The following MOAP1 variants were observed in gnomAD, a reference collection of about 807,000 sequenced individuals.
MOAP1 encodes MAP1.
For missense variants in MOAP1, 385 were observed against 418.6 expected (o/e 0.92, Z 0.70); for synonymous variants, 150 against 161.0 (o/e 0.93, Z 0.52).
Position 93,184,279 on chromosome 14 carries a change from C to CAA in MOAP1, c.-38_-37insTT. On this transcript the variant is annotated 5_prime_UTR_variant, in exon 3 of 3. Coordinates refer to ENST00000298894, the MANE Select transcript of MOAP1 (RefSeq NM_022151.5). The surrounding 1 kb of genome is among the most constrained non-coding windows in gnomAD (Gnocchi z 4.2). ...TAATAGACTTAAGTTCTAAATATGC[C>CAA]AGACCACAGGCGACCACCGAAATTC... The CAA allele has an allele frequency of 7.1e-7, 1 of 1,415,594 alleles. No homozygotes were observed. Among genetic ancestry groups the CAA allele is most frequent in the Non-Finnish European group, 9.2e-7 (1 of 1,082,798 alleles). The allele number at this position is 1,415,594 out of a possible 1,614,324, so 87.7% of individuals were successfully genotyped here.
Position 93,183,826 on chromosome 14 carries a change from C to A in MOAP1, c.417G>T (p.Pro139=), listed in dbSNP as rs201204994. Residue 139 remains proline, a synonymous_variant, in exon 3 of 3, where the codon CCG becomes CCT. Coordinates refer to ENST00000298894, the MANE Select transcript of MOAP1 (RefSeq NM_022151.5). ...GTGCCAACATAGGGGCCCACATTTC[C>A]GGGATCATGCCCTGCTCTGGGTCTA... is the stretch of plus-strand genomic sequence containing the variant. ...GSLDPEQGMI[P]EMWAPMLAQA... is the part of the protein sequence containing the mutation. 6.2e-7 allele frequency: 1 copy of A among 1,613,966 alleles called. No homozygotes were observed. Among genetic ancestry groups the A allele is most frequent in the East Asian group, 2.2e-5 (1 of 44,876 alleles).
In MOAP1 at chr14:93,183,108, G is replaced by A; in HGVS notation, c.*79C>T. The A allele has an allele frequency of 6.7e-7, 1 of 1,501,578 alleles. No homozygotes were observed. Among genetic ancestry groups the A allele is most frequent in the South Asian group, 1.4e-5 (1 of 73,626 alleles). 93.0% of individuals were successfully genotyped at this position (1,501,578 alleles called of 1,614,324 possible). A position where few individuals can be genotyped will look rare whatever the true frequency, so the allele number is the denominator to read the frequency against. ...TACTTGGCAGCACAAGGTAGGGATTGTATGTGTCACAAGAGTATATAGACT... is the reference window on the plus strand; with the variant it reads ...TACTTGGCAGCACAAGGTAGGGATTATATGTGTCACAAGAGTATATAGACT... On this transcript the variant is annotated 3_prime_UTR_variant, in exon 3 of 3. Coordinates refer to ENST00000298894, the MANE Select transcript of MOAP1 (RefSeq NM_022151.5).
In MOAP1 at chr14:93,183,375, C is replaced by T. The variant is rs767262911; in HGVS notation, c.868G>A (p.Val290Met). 1 of 1,614,224 alleles carries T rather than the reference C, an allele frequency of 6.2e-7. No homozygotes were observed. Among genetic ancestry groups the T allele is most frequent in the South Asian group, 1.1e-5 (1 of 91,084 alleles). ...ACTTGGTCTAGGCGGGCCTGATTCA[C>T]AGCATCTCTCTCAATTGCTCCTCTC... ...VQRGAIERDAVNQARLDQVIA... is the reference protein window; with the variant it reads ...VQRGAIERDAMNQARLDQVIA... The change falls in exon 3 of 3, where the codon GTG (valine) becomes ATG (methionine). Residue 290 changes from valine to methionine, a missense_variant. Val to Met is a conservative substitution (Grantham distance 21). Transcript: ENST00000298894.
Position 93,184,027 on chromosome 14 carries a change from C to T in MOAP1, c.216G>A (p.Glu72=), listed in dbSNP as rs1298207409. The part of the protein sequence containing the change: ...RKVALVGLTA[E]TSHALVPKEI... ...CCTTAGGGACCAGGGCGTGACTAGT[C>T]TCCGCAGTAAGCCCTACTAAGGCTA... Residue 72 remains glutamate (E), a synonymous_variant, in exon 3 of 3, where the codon GAG becomes GAA. Coordinates refer to ENST00000298894, the MANE Select transcript of MOAP1 (RefSeq NM_022151.5). The surrounding 1 kb of genome is among the most constrained non-coding windows in gnomAD (Gnocchi z 4.2). 4 of 1,613,786 alleles carry T rather than the reference C, an allele frequency of 2.5e-6. No individual in the cohort carries two copies. In the African/African-American group the frequency reaches 5.3e-5, roughly 22 times the overall value.
In MOAP1 at chr14:93,183,605, G is replaced by C; in HGVS notation, c.638C>G (p.Pro213Arg). 1 of 1,614,148 alleles carries C rather than the reference G, an allele frequency of 6.2e-7. No individual in the cohort carries two copies. Among genetic ancestry groups the C allele is most frequent in the Non-Finnish European group, 8.5e-7 (1 of 1,180,012 alleles). The change falls in exon 3 of 3, where the codon CCA (proline) becomes CGA (arginine). Residue 213 changes from proline to arginine, a missense_variant. Pro to Arg is a moderately radical substitution (Grantham distance 103, BLOSUM62 -2). Transcript: ENST00000298894. ...RRRLLESLRG[P>R]ALDVIRVLKI... ...GAGGACACGAATAACATCAAGTGCT[G>C]GGCCTCGAAGGCTCTCTAGCAATCG...
Position 93,183,658 on chromosome 14 carries a change from C to T in MOAP1, c.585G>A (p.Trp195Ter). Residue 195 changes from tryptophan (W) to a stop codon, truncating the protein, a stop_gained, in exon 3 of 3, where the codon TGG becomes TGA. Transcript: ENST00000298894. LOFTEE classifies it low-confidence loss of function (END_TRUNC). The part of the protein sequence containing the change: ...MFHTTQMIKA[W>*]QVPDVEKRRR... ...TTCTCTTCTCTACATCTGGCACCTG[C>T]CACGCCTTTATCATCTGAGTAGTAT... is the stretch of plus-strand genomic sequence containing the variant. The T allele has an allele frequency of 6.2e-7, 1 of 1,614,176 alleles. No individual in the cohort carries two copies. The highest frequency in any genetic ancestry group is 8.5e-7 in the Non-Finnish European group (1 of 1,180,014).
At position 93,182,933 on chromosome 14, in the gene MOAP1, A is replaced by C. The variant is rs1893958323; in HGVS notation, c.*254T>G. ...TGACAGAGCGAGACTCTGTCTCAAC[A>C]ACAACAACAAAGATATTCACAAGGA... On this transcript the variant is annotated 3_prime_UTR_variant, in exon 3 of 3. Transcript: ENST00000298894. 1 of 489,378 alleles carries C rather than the reference A, an allele frequency of 2.0e-6. No homozygotes were observed. The highest frequency in any genetic ancestry group is 2.0e-5 in the African/African-American group (1 of 51,256). 30.3% of individuals were successfully genotyped at this position (489,378 alleles called of 1,614,324 possible).
In MOAP1 at chr14:93,182,979, G is replaced by A. The variant is rs1312911984; in HGVS notation, c.*208C>T. The A allele has an allele frequency of 5.2e-6, 3 of 577,752 alleles. No homozygotes were observed. The highest frequency in any genetic ancestry group is 3.7e-5 in the African/African-American group (2 of 53,334). 35.8% of individuals were successfully genotyped at this position (577,752 alleles called of 1,614,324 possible). On this transcript the variant is annotated 3_prime_UTR_variant, in exon 3 of 3. Transcript: ENST00000298894. ...AAGGATGAATTTAAATAGGTAAATG[G>A]CAGTGTAGAACTACATCCTTCCTAG... is the stretch of plus-strand genomic sequence containing the variant.
rs1017446377 is a variant in MOAP1, at chr14:93,182,522, T to A, written c.*665A>T. 6.6e-6 allele frequency: 1 copy of A among 152,432 alleles called. No individual in the cohort carries two copies. Among genetic ancestry groups the A allele is most frequent in the Middle Eastern group, 3.2e-3 (1 of 316 alleles). 9.4% of individuals were successfully genotyped at this position (152,432 alleles called of 1,614,324 possible). A position where few individuals can be genotyped will look rare whatever the true frequency, so the allele number is the denominator to read the frequency against. On this transcript the variant is annotated 3_prime_UTR_variant, in exon 3 of 3. Transcript: ENST00000298894. The stretch of plus-strand genomic sequence containing the variant: ...TGTGACATGCTACACTTGCACCTAG[T>A]ACCAAACAAGCTGATACTTCAATGA...
Position 93,183,326 on chromosome 14 carries a change from G to A in MOAP1, c.917C>T (p.Thr306Ile). ...DQVIAGAVHK[T>I]IRRELNLPED... ...TGGCAGATTAAGCTCTCTGCGAATT[G>A]TTTTGTGGACTGCCCCAGCAATGAC... is the stretch of plus-strand genomic sequence containing the variant. Residue 306 changes from threonine (T) to isoleucine (I), a missense_variant, in exon 3 of 3, where the codon ACA (threonine) becomes ATA (isoleucine). Thr to Ile is a moderately conservative substitution (Grantham distance 89). Coordinates refer to ENST00000298894, the MANE Select transcript of MOAP1 (RefSeq NM_022151.5). 6.2e-7 allele frequency: 1 copy of A among 1,614,190 alleles called. No individual in the cohort carries two copies. The highest frequency in any genetic ancestry group is 8.5e-7 in the Non-Finnish European group (1 of 1,180,038).
Position 93,183,681 on chromosome 14 carries a change from T to C in MOAP1, c.562A>G (p.Thr188Ala). 2 of 1,614,194 alleles carry C rather than the reference T, an allele frequency of 1.2e-6. No individual in the cohort carries two copies. The highest frequency in any genetic ancestry group is 1.3e-5 in the African/African-American group (1 of 75,050). The change falls in exon 3 of 3, where the codon ACT becomes GCT. Residue 188 changes from threonine (T) to alanine (A), a missense_variant. Physicochemically the swap from Thr to Ala is moderately conservative, Grantham distance 58. Coordinates refer to ENST00000298894, the MANE Select transcript of MOAP1 (RefSeq NM_022151.5). ...EEEFGRWMFH[T>A]TQMIKAWQVP... ...TGCCACGCCTTTATCATCTGAGTAGTATGAAACATCCAGCGTCCAAATTCT... is the reference window on the plus strand; with the variant it reads ...TGCCACGCCTTTATCATCTGAGTAGCATGAAACATCCAGCGTCCAAATTCT...
Position 93,184,031 on chromosome 14 carries a change from G to C in MOAP1, c.212C>G (p.Ala71Gly). The change falls in exon 3 of 3, where the codon GCG (alanine) becomes GGG (glycine). Residue 71 changes from alanine to glycine, a missense_variant. By Grantham distance (60) the Ala-to-Gly change is moderately conservative. Coordinates refer to ENST00000298894, the MANE Select transcript of MOAP1 (RefSeq NM_022151.5). The surrounding 1 kb of genome is among the most constrained non-coding windows in gnomAD (Gnocchi z 4.2). ...AGGGACCAGGGCGTGACTAGTCTCC[G>C]CAGTAAGCCCTACTAAGGCTACTTT... ...NRKVALVGLT[A>G]ETSHALVPKE... The C allele has an allele frequency of 6.2e-7, 1 of 1,613,784 alleles. No individual in the cohort carries two copies. Among genetic ancestry groups the C allele is most frequent in the Non-Finnish European group, 8.5e-7 (1 of 1,179,874 alleles).
rs1893954135 is a variant in MOAP1, at chr14:93,182,688, C to T, written c.*499G>A. The T allele has an allele frequency of 6.4e-6, 1 of 156,398 alleles. No individual in the cohort carries two copies. Among genetic ancestry groups the T allele is most frequent in the Non-Finnish European group, 1.4e-5 (1 of 70,564 alleles). The allele number at this position is 156,398 out of a possible 1,614,324, so 9.7% of individuals were successfully genotyped here. ...CTCACGCCTGTAATCCCAGCACTTT[C>T]AGAGGCCGAAGCAGGTGGATCACTT... On this transcript the variant is annotated 3_prime_UTR_variant, in exon 3 of 3. Transcript: ENST00000298894.
At position 93,183,223 on chromosome 14, in the gene MOAP1, G is replaced by A; in HGVS notation, c.1020C>T (p.Ala340=). 6.2e-7 allele frequency: 1 copy of A among 1,610,730 alleles called. No individual in the cohort carries two copies. The highest frequency in any genetic ancestry group is 8.5e-7 in the Non-Finnish European group (1 of 1,178,530). Residue 340 remains alanine (A), a synonymous_variant, in exon 3 of 3, where the codon GCC becomes GCT. Coordinates refer to ENST00000298894, the MANE Select transcript of MOAP1 (RefSeq NM_022151.5). ...TACCTTCCAATATTGCCTGGAGAAG[G>A]GCCTCCTCCTCCTCAGCTGCCTCAT... ...KDYEAAEEEE[A]LLQAILEGNF...
rs1174705553 is a variant in MOAP1, at chr14:93,182,770, T to C, written c.*417A>G. ...CATGGTGAAACCCCGTCTCTACTGA[T>C]AATGCAAAACTTAGCTGGGCGTGGT... On this transcript the variant is annotated 3_prime_UTR_variant, in exon 3 of 3. Transcript: ENST00000298894. 1 of 166,930 alleles carries C rather than the reference T, an allele frequency of 6.0e-6. No individual in the cohort carries two copies. The highest frequency in any genetic ancestry group is 1.3e-5 in the Non-Finnish European group (1 of 77,100). 10.3% of individuals were successfully genotyped at this position (166,930 alleles called of 1,614,324 possible).
In MOAP1 at chr14:93,183,856, G is replaced by A. The variant is rs138403224; in HGVS notation, c.387C>T (p.Gly129=). 1.9e-6 allele frequency: 3 copies of A among 1,613,920 alleles called. No homozygotes were observed. The highest frequency in any genetic ancestry group is 2.2e-5 in the East Asian group (1 of 44,892). The change falls in exon 3 of 3, where the codon GGC becomes GGT. Residue 129 remains glycine (G), a synonymous_variant. Transcript: ENST00000298894. Reference sequence around the variant, plus strand: ...TCATGCCCTGCTCTGGGTCTAAGGAGCCATTTTCATGTCCAAGAGCTCTGC... The same window carrying A: ...TCATGCCCTGCTCTGGGTCTAAGGAACCATTTTCATGTCCAAGAGCTCTGC... ...ELSRALGHEN[G]SLDPEQGMIP...
chr14:93,184,150 A>C lies in MOAP1; in HGVS notation c.93T>G (p.Ser31Arg). 1.2e-6 allele frequency: 2 copies of C among 1,614,036 alleles called. No homozygotes were observed. The highest frequency in any genetic ancestry group is 1.7e-6 in the Non-Finnish European group (2 of 1,180,004). ...LLIAGISQSCSVAEIEEALQA... is the reference protein window; with the variant it reads ...LLIAGISQSCRVAEIEEALQA... Reference sequence around the variant, plus strand: ...GCAGAGCCTCCTCGATTTCTGCCACACTGCAGCTCTGGGAGATGCCGGCAA... The same window carrying C: ...GCAGAGCCTCCTCGATTTCTGCCACCCTGCAGCTCTGGGAGATGCCGGCAA... The change falls in exon 3 of 3, where the codon AGT becomes AGG. Residue 31 changes from serine (S) to arginine (R), a missense_variant. Physicochemically the swap from Ser to Arg is moderately radical, Grantham distance 110 (BLOSUM62 -1). Transcript: ENST00000298894. The surrounding 1 kb of genome is among the most constrained non-coding windows in gnomAD (Gnocchi z 4.2).
At position 93,183,806 on chromosome 14, in the gene MOAP1, A is replaced by G. The variant is rs1479422033; in HGVS notation, c.437T>C (p.Leu146Ser). The G allele has an allele frequency of 6.2e-7, 1 of 1,614,072 alleles. No individual in the cohort carries two copies. The highest frequency in any genetic ancestry group is 1.7e-5 in the Admixed American group (1 of 60,018). Residue 146 changes from leucine (L) to serine (S), a missense_variant, in exon 3 of 3, where the codon TTG becomes TCG. Physicochemically the swap from Leu to Ser is moderately radical, Grantham distance 145. Coordinates refer to ENST00000298894, the MANE Select transcript of MOAP1 (RefSeq NM_022151.5). Reference protein sequence around the residue: ...GMIPEMWAPMLAQALEALQPA... With the variant: ...GMIPEMWAPMSAQALEALQPA... ...CTGAAGAGCCTCTAATGCCTGTGCC[A>G]ACATAGGGGCCCACATTTCCGGGAT...
At position 93,183,510 on chromosome 14, in the gene MOAP1, C is replaced by G. The variant is rs1196575544; in HGVS notation, c.733G>C (p.Asp245His). Reference sequence around the variant, plus strand: ...TTGACCTGCAACTCCCTAGGATTATCTGTAACCCCAAATACCTCCTCAAGA... The same window carrying G: ...TTGACCTGCAACTCCCTAGGATTATGTGTAACCCCAAATACCTCCTCAAGA... ...QALEEVFGVT[D>H]NPRELQVKYL... The change falls in exon 3 of 3, where the codon GAT becomes CAT. Residue 245 changes from aspartate (D) to histidine (H), a missense_variant. Physicochemically the swap from Asp to His is moderately conservative, Grantham distance 81. Coordinates refer to ENST00000298894, the MANE Select transcript of MOAP1 (RefSeq NM_022151.5). 10 of 1,614,110 alleles carry G rather than the reference C, an allele frequency of 6.2e-6. No individual in the cohort carries two copies. In the Admixed American group the frequency reaches 1.5e-4, roughly 24 times the overall value.
Sources: gnomAD v4.1 joint callset for allele counts on GRCh38, gnomAD v4.1.1 for gene constraint, Gnocchi (gnomAD v3.1) non-coding constraint, MANE v1.5 for transcripts, NCBI Gene and HGNC (gene_info 2026-07-23, HGNC 2026-07-21) for gene names.